ACBD3: variants seen among roughly 807,000 people sequenced by gnomAD.
The protein encoded by ACBD3 is Golgi resident protein GCP60.
ACBD3 carries 30 observed loss-of-function variants against 66.9 expected under a neutral mutation model. The observed-to-expected ratio is 0.45, with a 90% confidence interval of 0.34 to 0.61. The LOEUF (loss-of-function observed/expected upper bound fraction) is 0.61. Among genes scored for constraint, ACBD3 ranks in the 20% least tolerant of loss-of-function variants. The pLI is 0.02. For missense variants in ACBD3, 544 were observed against 664.5 expected (o/e 0.82, Z 1.99); for synonymous variants, 278 against 259.8 (o/e 1.07, Z -0.68).
chr1:226,182,139 G>C (rs1435261642), intron 1 of ACBD3, among the ~76,000 whole-genome samples: 3 of 152,020 alleles, frequency 2.0e-5, no homozygotes, highest in African/African-American at 7.2e-5. Context: ...GATGAGGTGG[G>C]AGGATGGCTT....
intron 5 of ACBD3, among the ~76,000 whole-genome samples, chr1:226,157,194 C>G (rs1209346048): frequency 6.6e-6 from 1 of 151,888 alleles, no homozygotes; most frequent in Admixed American, 6.6e-5. Context: ...TCAGAAGCAA[C>G]CAATAAATTT....
At chr1:226,165,710 AAT>A (rs1659863687) in intron 2 of ACBD3, 147 bp downstream of exon 2, 2 of 757,006 alleles carry the variant, frequency 2.6e-6, no homozygotes, top group Non-Finnish European at 3.9e-6. Flanking sequence ...AAAACAGATA[AAT>A]ATCTGAAGAC....
intron 1 of ACBD3, among the ~76,000 whole-genome samples, chr1:226,169,998 G>C (rs1354532396): frequency 9.7e-6 from 1 of 102,672 alleles, no homozygotes. Flanking sequence ...TCCAGCCTAA[G>C]AAACAGAGCG....
chr1:226,172,666 C>G (rs192152291), intron 1 of ACBD3, among the ~76,000 whole-genome samples: 5 of 152,220 alleles, frequency 3.3e-5, no homozygotes, highest in Admixed American at 2.0e-4. Flanking sequence ...AACAAACAGC[C>G]AGGTGCAGTG....
In ACBD3 at chr1:226,160,614, G is replaced by C. The variant is rs536967937; in HGVS notation, c.728+917C>G. ...AGGCTAGCACTAAACCTTTTTCTGA[G>C]GAACTACCCAGAAATAATGAGAAGA... On this transcript the variant is annotated intron_variant, in intron 4 of 7. Transcript: ENST00000366812. Among the ~76,000 whole-genome samples, 3 of 152,246 alleles carry C rather than the reference G, an allele frequency of 2.0e-5. No homozygotes were observed. In the East Asian group the frequency reaches 5.8e-4, roughly 29 times the overall value.
intron 1 of ACBD3, 31 bp from the exon 2 acceptor site, chr1:226,166,031 T>G (rs1274523674): frequency 5.0e-6 from 8 of 1,591,062 alleles, no homozygotes; most frequent in Admixed American, 1.9e-5. Context: ...AAGAAAACAA[T>G]TAGCACAGGC....
chr1:226,175,503 G>T (rs1656010909), intron 1 of ACBD3, among the ~76,000 whole-genome samples: 3 of 151,830 alleles, frequency 2.0e-5, no homozygotes, highest in Non-Finnish European at 4.4e-5. Context: ...GTTTGCACAA[G>T]AACAAAAATG....
chr1:226,159,479 G>A (rs1659731777), intron 4 of ACBD3, 121 bp from the exon 5 acceptor site: 1 of 833,428 alleles, frequency 1.2e-6, no homozygotes, highest in Non-Finnish European at 1.8e-6. Context: ...AGCTAGTAAT[G>A]TACACCAATT....
chr1:226,154,603 A>C (rs1290041147), intron 6 of ACBD3, 44 bp downstream of exon 6: 2 of 1,559,078 alleles, frequency 1.3e-6, no homozygotes, highest in Middle Eastern at 2.2e-4. Context: ...CCTTTCACAG[A>C]TTTGGAATTA....
intron 5 of ACBD3, among the ~76,000 whole-genome samples, chr1:226,158,174 TAAG>T (rs1305467563): frequency 6.6e-6 from 1 of 152,220 alleles, no homozygotes; most frequent in African/African-American, 2.4e-5. Flanking sequence ...GGTTGTTTAG[TAAG>T]AATACACATT....
chr1:226,171,583 G>A (rs1278991256), intron 1 of ACBD3, among the ~76,000 whole-genome samples: 3 of 151,908 alleles, frequency 2.0e-5, no homozygotes, highest in Non-Finnish European at 1.5e-5. Flanking sequence ...TGTTACCCAC[G>A]ATGGAGCACA....
chr1:226,161,526 C>CT lies in ACBD3; in HGVS notation c.728+4dup, dbSNP rs1326170673. On this transcript the variant is annotated splice_donor_region_variant and intron_variant, in intron 4 of 7. Coordinates refer to ENST00000366812, the MANE Select transcript of ACBD3 (RefSeq NM_022735.4). Reference sequence around the variant, plus strand: ...TTTAAAACATAAGCCACATAATAAACTTACTTTTGCTGCTCCAACCGAAGC... The same window carrying CT: ...TTTAAAACATAAGCCACATAATAAACTTTACTTTTGCTGCTCCAACCGAAGC... 8 of 1,610,498 alleles carry CT rather than the reference C, an allele frequency of 5.0e-6. No individual in the cohort carries two copies. In the South Asian group the frequency reaches 8.9e-5, roughly 18 times the overall value.
rs1656326219 is a variant in ACBD3 at position 226,186,660 on chromosome 1, T to C, written c.16A>G (p.Asn6Asp). 2 of 1,508,134 alleles carry C rather than the reference T, an allele frequency of 1.3e-6. No individual in the cohort carries two copies. Among genetic ancestry groups the C allele is most frequent in the Non-Finnish European group, 1.8e-6 (2 of 1,134,502 alleles). The allele number at this position is 1,508,134 out of a possible 1,614,324, so 93.4% of individuals were successfully genotyped here. A position where few individuals can be genotyped will look rare whatever the true frequency, so the allele number is the denominator to read the frequency against. Residue 6 changes from asparagine to aspartate, a missense_variant, in exon 1 of 8, where the codon AAC becomes GAC. Around this residue, in one of 3 missense-constraint regions of ACBD3, gnomAD observed 137 missense variants for 145.9 expected, o/e 0.94. Transcript: ENST00000366812. ...ACGGACACCTCGAGTCGCTCTGCGT[T>C]CAGCACCGCCGCCATCTCCGGCTGC... MAAVLNAERLEVSVDG... is the reference protein window; with the variant it reads MAAVLDAERLEVSVDG...
chr1:226,180,035 G>T (rs1055964902), intron 1 of ACBD3, among the ~76,000 whole-genome samples: 1 of 151,846 alleles, frequency 6.6e-6, no homozygotes, highest in African/African-American at 2.4e-5. Flanking sequence ...GCTGGGTGGG[G>T]TGGCACGTGC....
At chr1:226,155,859 T>G (rs11590418) in intron 5 of ACBD3, among the ~76,000 whole-genome samples, 1 of 152,374 alleles carries the variant, frequency 6.6e-6, no homozygotes, top group African/African-American at 2.4e-5. Flanking sequence ...TATATAGTTA[T>G]GATTGAAATG....
chr1:226,159,934 G>A (rs1659739457), intron 4 of ACBD3, among the ~76,000 whole-genome samples: 1 of 152,196 alleles, frequency 6.6e-6, no homozygotes, highest in Non-Finnish European at 1.5e-5. Context: ...GCTGGAAGAT[G>A]TTACAGGTGG....
chr1:226,168,262 T>A (rs1352422438), intron 1 of ACBD3, among the ~76,000 whole-genome samples: 1 of 152,128 alleles, frequency 6.6e-6, no homozygotes, highest in Non-Finnish European at 1.5e-5. Context: ...TCTACTCACC[T>A]ATTTTCAGAC....
chr1:226,158,230 T>C (rs1659710360), intron 5 of ACBD3, among the ~76,000 whole-genome samples: 1 of 152,236 alleles, frequency 6.6e-6, no homozygotes, highest in Non-Finnish European at 1.5e-5. Flanking sequence ...CAAAGATTAT[T>C]TCATGCAGTA....
chr1:226,154,730 C>T lies in ACBD3; in HGVS notation c.1007G>A (p.Gly336Glu), dbSNP rs767106461. 7.4e-6 allele frequency: 12 copies of T among 1,613,908 alleles called. No homozygotes were observed. The highest frequency in any genetic ancestry group is 1.0e-5 in the Non-Finnish European group (12 of 1,179,900). ...TVPSNMMSVN[G>E]QAKTHTDSSE... is the part of the protein sequence containing the mutation. ...GCTGTCAGTGTGTGTTTTGGCCTGT[C>T]CATTAACTGACATCATATTACTTGG... Residue 336 changes from glycine to glutamate, a missense_variant, in exon 6 of 8, where the codon GGA becomes GAA. Gly to Glu is a moderately conservative substitution (Grantham distance 98). This residue lies in a region of ACBD3 where 383 missense variants were observed against 462.4 expected (regional missense o/e 0.83). Coordinates refer to ENST00000366812, the MANE Select transcript of ACBD3 (RefSeq NM_022735.4).
Sources: gnomAD v4.1 joint callset for allele counts (sites outside exome capture counted in the v4.1 genomes callset) on GRCh38, gnomAD v4.1.1 for gene constraint, gnomAD v4.1.1 regional missense constraint, MANE v1.5 for transcripts, NCBI Gene and HGNC (gene_info 2026-07-23, HGNC 2026-07-21) for gene names.